Variants in OR5B12 observed in about 807,000 individuals in gnomAD.
OR5B12 encodes the protein olfactory receptor family 5 subfamily B member 12.
For missense variants in OR5B12, 418 were observed against 377.0 expected, an observed-to-expected ratio of 1.11 and a Z score of -0.90; for synonymous variants, 154 against 138.0, an observed-to-expected ratio of 1.12 and a Z score of -0.81.
At chr11:58,441,038 T>C (rs1003817817) in intron 1 of OR5B12, among the ~76,000 whole-genome samples, 2 of 152,160 alleles carry the variant, frequency 1.3e-5, no homozygotes, top group Non-Finnish European at 2.9e-5. Context: ...GAGACAGAAG[T>C]GTTTTCTTAT....
chr11:58,440,236 T>A, intron 1 of OR5B12, 66 bp from the exon 2 acceptor site: 2 of 1,017,616 alleles, frequency 2.0e-6, no homozygotes, highest in East Asian at 4.8e-5. Flanking sequence ...TCAATCAGCA[T>A]GCCATTTTTT....
chr11:58,439,535 A>G lies in OR5B12; in HGVS notation c.617T>C (p.Leu206Pro). The change falls in exon 2 of 2, where the codon CTC becomes CCC. Residue 206 changes from leucine (L) to proline (P), a missense_variant. Coordinates refer to ENST00000641921, the MANE Select transcript of OR5B12 (RefSeq NM_001004733.3). ...VIFFVVGFND[L>P]FSILVILISY... is the part of the protein sequence containing the mutation. ...GATCAAGATTACCAGGATAGAAAAGAGGTCATTGAATCCCACCACAAAAAA... is the reference window on the plus strand; with the variant it reads ...GATCAAGATTACCAGGATAGAAAAGGGGTCATTGAATCCCACCACAAAAAA... The G allele has an allele frequency of 6.2e-7, 1 of 1,613,622 alleles. No individual in the cohort carries two copies. Among genetic ancestry groups the G allele is most frequent in the Non-Finnish European group, 8.5e-7 (1 of 1,179,856 alleles).
chr11:58,439,233 T>C lies in OR5B12; in HGVS notation c.919A>G (p.Lys307Glu). The C allele has an allele frequency of 6.3e-7, 1 of 1,595,750 alleles. No individual in the cohort carries two copies. The highest frequency in any genetic ancestry group is 8.6e-7 in the Non-Finnish European group (1 of 1,167,898). The change falls in exon 2 of 2, where the codon AAG becomes GAG. Residue 307 changes from lysine to glutamate, a missense_variant. Physicochemically the swap from Lys to Glu is moderately conservative, Grantham distance 56 (BLOSUM62 1). Coordinates refer to ENST00000641921, the MANE Select transcript of OR5B12 (RefSeq NM_001004733.3). ...TAAAATATGAATCCTATAGAGGCCTTTGCCTTCCCTACAGTCTTTTTAAAG... is the reference window on the plus strand; with the variant it reads ...TAAAATATGAATCCTATAGAGGCCTCTGCCTTCCCTACAGTCTTTTTAAAG... Reference protein sequence around the residue: ...SAFKKTVGKAKASIGFIF With the variant: ...SAFKKTVGKAEASIGFIF
rs868325049 is a variant in OR5B12 at position 58,440,104 on chromosome 11, A to T, written c.48T>A (p.Thr16=). 3 of 1,613,372 alleles carry T rather than the reference A, an allele frequency of 1.9e-6. No individual in the cohort carries two copies. The change falls in exon 2 of 2, where the codon ACT becomes ACA. Residue 16 remains threonine (T), a synonymous_variant. Transcript: ENST00000641921. ...EVTEFILVGL[T]DDPELQIPLF... ...GTGGGATCTGCAGTTCTGGGTCATC[A>T]GTTAACCCCACAAGGATGAATTCAG...
intron 1 of OR5B12, among the ~76,000 whole-genome samples, chr11:58,440,961 C>G (rs1855493687): frequency 6.6e-6 from 1 of 152,116 alleles, no homozygotes; most frequent in Admixed American, 6.5e-5. Flanking sequence ...ATTTCCTGAC[C>G]AGATAGATAT....
rs1855486171 is a variant in OR5B12 at position 58,440,136 on chromosome 11, C to G, written c.16G>C (p.Glu6Gln). ...CCCACAAGGATGAATTCAGTCACCT[C>G]TGTGTTGTTCTCCATTGGGAATTAT... MENNT[E>Q]VTEFILVGLT... Residue 6 changes from glutamate to glutamine, a missense_variant, in exon 2 of 2, where the codon GAG becomes CAG. By Grantham distance (29) the Glu-to-Gln change is conservative. Transcript: ENST00000641921. 1.3e-6 allele frequency: 2 copies of G among 1,599,560 alleles called. No individual in the cohort carries two copies. Among genetic ancestry groups the G allele is most frequent in the East Asian group, 2.2e-5 (1 of 44,788 alleles).
At chr11:58,441,066 A>G (rs778859815) in intron 1 of OR5B12, among the ~76,000 whole-genome samples, 1 of 152,172 alleles carries the variant, frequency 6.6e-6, no homozygotes, top group Non-Finnish European at 1.5e-5. Context: ...GAACTGTGTG[A>G]TAGATGTTAA....
At chr11:58,441,611 A>G (rs530926003) in intron 1 of OR5B12, among the ~76,000 whole-genome samples, 1 of 152,280 alleles carries the variant, frequency 6.6e-6, no homozygotes, top group African/African-American at 2.4e-5. Flanking sequence ...ATCCAAAACT[A>G]TTTGAGAACC....
Position 58,439,619 on chromosome 11 carries a change from T to C in OR5B12, c.533A>G (p.Asp178Gly). The C allele has an allele frequency of 3.7e-6, 6 of 1,614,014 alleles. No individual in the cohort carries two copies. The highest frequency in any genetic ancestry group is 5.1e-6 in the Non-Finnish European group (6 of 1,180,004). ...RSNVVEHFFC[D>G]APPLLTLSCS... ...TGAGAGAGTCAAGAGAGGAGGAGCA[T>C]CACAGAAAAAGTGTTCAACTACATT... The change falls in exon 2 of 2, where the codon GAT becomes GGT. Residue 178 changes from aspartate (D) to glycine (G), a missense_variant. Transcript: ENST00000641921.
chr11:58,442,221 A>G lies in OR5B12; in HGVS notation c.-195T>C, dbSNP rs902388378. On this transcript the variant is annotated 5_prime_UTR_variant, in exon 1 of 2. Transcript: ENST00000641921. ...AGGGGGAAATTGAAAGAAAAATGCT[A>G]TTGGCTTTGGAATCAGCTAGCAAGA... The G allele has an allele frequency of 2.6e-5, 4 of 152,198 alleles. No individual in the cohort carries two copies. The highest frequency in any genetic ancestry group is 7.2e-5 in the African/African-American group (3 of 41,446). 9.4% of individuals were successfully genotyped at this position (152,198 alleles called of 1,614,324 possible). A position where few individuals can be genotyped will look rare whatever the true frequency, so the allele number is the denominator to read the frequency against.
chr11:58,439,410 T>C lies in OR5B12; in HGVS notation c.742A>G (p.Ile248Val), dbSNP rs560805849. Residue 248 changes from isoleucine (I) to valine (V), a missense_variant, in exon 2 of 2, where the codon ATC becomes GTC. Physicochemically the swap from Ile to Val is conservative, Grantham distance 29. Transcript: ENST00000641921. ...TCASHLTAVS[I>V]FYGTGIFMYL... ...ATAAAGATTCCTGTCCCATAAAAGA[T>C]GGAAACTGCAGTAAGGTGGGAAGCA... 2.9e-5 allele frequency: 47 copies of C among 1,613,976 alleles called. No homozygotes were observed. In the Admixed American group the frequency reaches 6.0e-4, roughly 21 times the overall value.
Position 58,439,387 on chromosome 11 carries a change from A to C in OR5B12, c.765T>G (p.Phe255Leu). 1.9e-6 allele frequency: 3 copies of C among 1,614,088 alleles called. No homozygotes were observed. The highest frequency in any genetic ancestry group is 2.5e-6 in the Non-Finnish European group (3 of 1,180,008). ...GGCTGGAGTTAGGTCGTAAGTACATAAAGATTCCTGTCCCATAAAAGATGG... is the reference window on the plus strand; with the variant it reads ...GGCTGGAGTTAGGTCGTAAGTACATCAAGATTCCTGTCCCATAAAAGATGG... ...AVSIFYGTGI[F>L]MYLRPNSSHF... Residue 255 changes from phenylalanine (F) to leucine (L), a missense_variant, in exon 2 of 2, where the codon TTT (phenylalanine) becomes TTG (leucine). Coordinates refer to ENST00000641921, the MANE Select transcript of OR5B12 (RefSeq NM_001004733.3).
rs1403282383 is a variant in OR5B12, at chr11:58,439,644, T to G, written c.508A>C (p.Asn170His). ...NTFRLSFCRS[N>H]VVEHFFCDAP... is the part of the protein sequence containing the mutation. ...TCACAGAAAAAGTGTTCAACTACATTGGATCTACAGAAGGAGAGCCTGAAA... is the reference window on the plus strand; with the variant it reads ...TCACAGAAAAAGTGTTCAACTACATGGGATCTACAGAAGGAGAGCCTGAAA... The change falls in exon 2 of 2, where the codon AAT becomes CAT. Residue 170 changes from asparagine to histidine, a missense_variant. Physicochemically the swap from Asn to His is moderately conservative, Grantham distance 68. Coordinates refer to ENST00000641921, the MANE Select transcript of OR5B12 (RefSeq NM_001004733.3). 6.2e-7 allele frequency: 1 copy of G among 1,614,058 alleles called. No homozygotes were observed.
intron 1 of OR5B12, among the ~76,000 whole-genome samples, chr11:58,441,315 A>C (rs1177256040): frequency 1.3e-5 from 2 of 152,164 alleles, no homozygotes; most frequent in Non-Finnish European, 2.9e-5. Context: ...TCTTTTTAAA[A>C]AAATATTAGT....
chr11:58,441,900 G>A (rs1397612867), intron 1 of OR5B12, 146 bp downstream of exon 1: 1 of 152,120 alleles, frequency 6.6e-6, no homozygotes, highest in Non-Finnish European at 1.5e-5. Context: ...GCCTCTGGAT[G>A]TGTGAAACAG....
In OR5B12 at chr11:58,439,259, G is replaced by A. The variant is rs199703234; in HGVS notation, c.893C>T (p.Ala298Val). ...TGCCTTCCCTACAGTCTTTTTAAAG[G>A]CACTCTTAACCTCTTTGTTCCTCAG... ...YSLRNKEVKS[A>V]FKKTVGKAKA... The change falls in exon 2 of 2, where the codon GCC becomes GTC. Residue 298 changes from alanine (A) to valine (V), a missense_variant. By Grantham distance (64) the Ala-to-Val change is moderately conservative. Coordinates refer to ENST00000641921, the MANE Select transcript of OR5B12 (RefSeq NM_001004733.3). 2.2e-5 allele frequency: 35 copies of A among 1,611,932 alleles called. No homozygotes were observed. The highest frequency in any genetic ancestry group is 1.7e-4 in the Admixed American group (10 of 59,688).
Position 58,439,206 on chromosome 11 carries a change from A to G in OR5B12, c.*1T>C. On this transcript the variant is annotated 3_prime_UTR_variant, in exon 2 of 2. Transcript: ENST00000641921. ...ATTATCTTATTGTGAATTCTTTATA[A>G]TTAAAATATGAATCCTATAGAGGCC... The G allele has an allele frequency of 6.8e-7, 1 of 1,473,308 alleles. No homozygotes were observed. Among genetic ancestry groups the G allele is most frequent in the Non-Finnish European group, 9.2e-7 (1 of 1,082,282 alleles). 91.3% of individuals were successfully genotyped at this position (1,473,308 alleles called of 1,614,324 possible).
Position 58,439,897 on chromosome 11 carries a change from T to C in OR5B12, c.255A>G (p.Thr85=). 1 of 1,614,150 alleles carries C rather than the reference T, an allele frequency of 6.2e-7. No individual in the cohort carries two copies. Among genetic ancestry groups the C allele is most frequent in the Admixed American group, 1.7e-5 (1 of 59,964 alleles). ...CATTATATAATATGAATTTGTCTCC[T>C]GTGAGAAACCCCACCATCACCTTGG... The part of the protein sequence containing the change: ...VTPKVMVGFL[T]GDKFILYNAC... The change falls in exon 2 of 2, where the codon ACA becomes ACG. Residue 85 remains threonine, a synonymous_variant. Transcript: ENST00000641921.
In OR5B12 at chr11:58,439,740, C is replaced by A; in HGVS notation, c.412G>T (p.Val138Leu). The change falls in exon 2 of 2, where the codon GTA becomes TTA. Residue 138 changes from valine to leucine, a missense_variant. Coordinates refer to ENST00000641921, the MANE Select transcript of OR5B12 (RefSeq NM_001004733.3). Reference sequence around the variant, plus strand: ...GAGCCTATGGCCAGGCAAGCACATACATTTGTTGTCATGGTGGTGGTGTAA... The same window carrying A: ...GAGCCTATGGCCAGGCAAGCACATAAATTTGTTGTCATGGTGGTGGTGTAA... ...LHYTTTMTTN[V>L]CACLAIGSYI... 1 of 1,614,148 alleles carries A rather than the reference C, an allele frequency of 6.2e-7. No homozygotes were observed. The highest frequency in any genetic ancestry group is 1.7e-5 in the Admixed American group (1 of 60,024).
Sources: allele counts gnomAD v4.1 joint callset (sites outside exome capture counted in the v4.1 genomes callset), GRCh38; gene constraint gnomAD v4.1.1; transcripts MANE v1.5; gene names NCBI Gene and HGNC (gene_info 2026-07-23, HGNC 2026-07-21).